Variants in CSMD1 observed in about 807,000 individuals in gnomAD.
The protein encoded by CSMD1 is CUB and Sushi multiple domains 1.
A neutral mutation model predicts 417.5 loss-of-function variants in CSMD1; 213 were observed. The observed-to-expected ratio is 0.51, with a 90% CI of 0.46 to 0.57. The LOEUF (loss-of-function observed/expected upper bound fraction) is 0.57, where lower values mean the gene tolerates loss of function less well. Ranked by LOEUF, CSMD1 falls within the 20% of genes least tolerant of loss-of-function variation. The pLI is 0.00. For missense variants in CSMD1, 6,923 were observed against 4,529.7 expected, an observed-to-expected ratio of 1.53 and a Z score of -15.17; for synonymous variants, 2,862 against 1,736.8, an observed-to-expected ratio of 1.65 and a Z score of -16.11.
At chr8:4,381,342 A>G (rs1023678808) in intron 3 of CSMD1, among the ~76,000 whole-genome samples, 5 of 152,152 alleles carry the variant, frequency 3.3e-5, no homozygotes, top group African/African-American at 4.8e-5. Flanking sequence ...AACACAATGG[A>G]TGAGGCATCT....
chr8:4,195,454 G>C (rs1016000486), intron 3 of CSMD1, among the ~76,000 whole-genome samples: 2 of 152,190 alleles, frequency 1.3e-5, no homozygotes, highest in African/African-American at 2.4e-5. Flanking sequence ...GAGTGTGGCA[G>C]TACAGCCTTA....
chr8:4,802,210 A>C (rs1179521378), intron 1 of CSMD1, among the ~76,000 whole-genome samples: 1 of 152,200 alleles, frequency 6.6e-6, no homozygotes, highest in East Asian at 1.9e-4. Context: ...ATTTTGCATC[A>C]AAGTACAATT....
chr8:4,049,187 G>C lies in CSMD1; in HGVS notation c.416-17088C>G, dbSNP rs565779910. 1.3e-4 allele frequency among the ~76,000 whole-genome samples: 19 copies of C among 151,820 alleles called. No individual in the cohort carries two copies. The South Asian group carries it at 3.7e-3, about 30-fold the overall frequency. ...TGTAACATCAAAGAGTCTATCTTAG[G>C]TGTTGCGTCTTTCTCTATCTATTCT... is the stretch of plus-strand genomic sequence containing the variant. On this transcript the variant is annotated intron_variant, in intron 3 of 69. Transcript: ENST00000635120.
chr8:4,172,419 G>A (rs947317140), intron 3 of CSMD1, among the ~76,000 whole-genome samples: 8 of 151,862 alleles, frequency 5.3e-5, no homozygotes, highest in Non-Finnish European at 7.4e-5. Context: ...TGGCTCCCGC[G>A]TTACACAGCA....
At chr8:4,152,108 T>C (rs747253776) in intron 3 of CSMD1, among the ~76,000 whole-genome samples, 3 of 152,196 alleles carry the variant, frequency 2.0e-5, no homozygotes, top group Admixed American at 6.5e-5. Context: ...ATGGGTAATA[T>C]ACAGGAAATT....
intron 1 of CSMD1, among the ~76,000 whole-genome samples, chr8:4,961,118 G>T (rs935991394): frequency 6.6e-6 from 1 of 152,104 alleles, no homozygotes. Flanking sequence ...TAAAATCCAA[G>T]TCATTTACTA....
chr8:4,244,514 G>A lies in CSMD1; in HGVS notation c.415+175439C>T, dbSNP rs141601869. ...CCTAAAAATAGTTTGAAGAGTGTTA[G>A]CAAGTCAAATAAAATTTTCTTTCTT... is the stretch of plus-strand genomic sequence containing the variant. On this transcript the variant is annotated intron_variant, in intron 3 of 69. Coordinates refer to ENST00000635120, the MANE Select transcript of CSMD1 (RefSeq NM_033225.6). 1.3e-3 allele frequency among the ~76,000 whole-genome samples: 197 copies of A among 152,052 alleles called. 4 individuals carry two copies. The highest frequency in any genetic ancestry group is 4.5e-3 in the African/African-American group (185 of 41,524).
At chr8:3,378,189 G>C (rs1031843432) in intron 18 of CSMD1, among the ~76,000 whole-genome samples, 2 of 152,024 alleles carry the variant, frequency 1.3e-5, no homozygotes, top group Admixed American at 6.6e-5. Context: ...AATAGTCTTG[G>C]CTAAACCAGG....
At chr8:3,175,472 T>TTCC (rs1554451297) in intron 37 of CSMD1, among the ~76,000 whole-genome samples, 1 of 23,756 alleles carries the variant, frequency 4.2e-5, no homozygotes, top group Non-Finnish European at 1.3e-4. Flanking sequence ...CCTTCCTTCT[T>TTCC]TTCCCTTCCT....
chr8:4,339,705 G>A (rs1289573284), intron 3 of CSMD1, among the ~76,000 whole-genome samples: 3 of 152,054 alleles, frequency 2.0e-5, no homozygotes, highest in African/African-American at 7.2e-5. Flanking sequence ...GAGTGAGTGA[G>A]AAGAAAATGA....
At chr8:4,122,665 G>T (rs908995747) in intron 3 of CSMD1, among the ~76,000 whole-genome samples, 4 of 152,122 alleles carry the variant, frequency 2.6e-5, no homozygotes, top group East Asian at 1.9e-4. Flanking sequence ...GGCCAGGAAG[G>T]GCAGACCCTC....
At chr8:3,714,340 A>G (rs1801701749) in intron 6 of CSMD1, among the ~76,000 whole-genome samples, 1 of 150,952 alleles carries the variant, frequency 6.6e-6, no homozygotes. Flanking sequence ...CTAATCTTTT[A>G]TATTTACCTT....
chr8:3,236,024 T>G (rs962939386), intron 26 of CSMD1, among the ~76,000 whole-genome samples: 1 of 149,034 alleles, frequency 6.7e-6, no homozygotes, highest in African/African-American at 2.5e-5. Context: ...TTCACGCCAT[T>G]CTCCTTCCTC....
At chr8:4,457,521 G>A (rs901575494) in intron 2 of CSMD1, among the ~76,000 whole-genome samples, 1 of 152,056 alleles carries the variant, frequency 6.6e-6, no homozygotes, top group Non-Finnish European at 1.5e-5. Context: ...ACATACCCAT[G>A]TAATTAAGAA....
intron 1 of CSMD1, among the ~76,000 whole-genome samples, chr8:4,731,050 G>T (rs982766644): frequency 5.9e-5 from 9 of 152,106 alleles, no homozygotes; most frequent in African/African-American, 2.2e-4. Context: ...GAGTATGGAG[G>T]GTCTGTGGGT....
intron 1 of CSMD1, among the ~76,000 whole-genome samples, chr8:4,718,045 A>G (rs929998385): frequency 2.6e-5 from 4 of 152,086 alleles, no homozygotes; most frequent in Non-Finnish European, 5.9e-5. Context: ...TGGCACAATC[A>G]CAGCTCCCTG....
chr8:4,505,360 G>A (rs938195499), intron 2 of CSMD1, among the ~76,000 whole-genome samples: 16 of 152,100 alleles, frequency 1.1e-4, no homozygotes, highest in African/African-American at 3.9e-4. Flanking sequence ...AGAGATCACT[G>A]AACCTAATTC....
At chr8:4,565,978 T>C (rs1281819947) in intron 2 of CSMD1, among the ~76,000 whole-genome samples, 2 of 151,876 alleles carry the variant, frequency 1.3e-5, no homozygotes, top group Non-Finnish European at 1.5e-5. Context: ...ATAATCTATA[T>C]TTGGGTCTAT....
At chr8:4,209,411 G>C (rs144913285) in intron 3 of CSMD1, among the ~76,000 whole-genome samples, 29 of 152,202 alleles carry the variant, frequency 1.9e-4, no homozygotes, top group African/African-American at 6.0e-4. Flanking sequence ...GGTTCCTGTG[G>C]AATTGTATGA....
Sources: allele counts gnomAD v4.1 joint callset (sites outside exome capture counted in the v4.1 genomes callset), GRCh38; gene constraint gnomAD v4.1.1; transcripts MANE v1.5; gene names NCBI Gene and HGNC (gene_info 2026-07-23, HGNC 2026-07-21).